Variants in LIN28B observed in about 807,000 individuals in gnomAD.
LIN28B encodes the protein lin-28 RNA binding posttranscriptional regulator B.
A neutral mutation model predicts 21.9 loss-of-function variants in LIN28B; 5 were observed. That is an observed-to-expected ratio of 0.23 (90% confidence interval 0.12 to 0.48). The LOEUF is 0.48. LIN28B is among the 20% of genes least tolerant of loss of function. LIN28B has a pLI of 0.98. For synonymous variants in LIN28B, 109 were observed against 111.3 expected (o/e 0.98, Z 0.13); for missense variants, 245 against 310.5 (o/e 0.79, Z 1.58).
intron 3 of LIN28B, among the ~76,000 whole-genome samples, chr6:104,951,752 CTT>C (rs371084154): frequency 2.7e-4 from 41 of 152,274 alleles, no homozygotes; most frequent in African/African-American, 8.9e-4. Context: ...AGTTAAAAGA[CTT>C]TGAATATTTG....
chr6:105,004,616 G>A (rs1770780509), intron 2 of LIN28B, among the ~76,000 whole-genome samples: 1 of 152,042 alleles, frequency 6.6e-6, no homozygotes, highest in Admixed American at 6.6e-5. Flanking sequence ...TTATTTTGTT[G>A]TAGCTACATA....
chr6:104,982,719 T>C (rs550574055), intron 2 of LIN28B, among the ~76,000 whole-genome samples: 8 of 152,330 alleles, frequency 5.3e-5, no homozygotes, highest in African/African-American at 1.9e-4. Flanking sequence ...TATTAATCAA[T>C]ATTAACACCT....
At chr6:105,059,673 G>A (rs545738042) in intron 3 of LIN28B, among the ~76,000 whole-genome samples, 21 of 152,130 alleles carry the variant, frequency 1.4e-4, no homozygotes, top group Non-Finnish European at 2.8e-4. Context: ...TTACATTATA[G>A]CTCAGTGGGT....
At chr6:105,039,003 A>T (rs867720694) in intron 3 of LIN28B, among the ~76,000 whole-genome samples, 1 of 152,178 alleles carries the variant, frequency 6.6e-6, no homozygotes, top group Non-Finnish European at 1.5e-5. Context: ...AAGATTGTTC[A>T]TATCTTTTTA....
intron 3 of LIN28B, among the ~76,000 whole-genome samples, chr6:105,033,532 T>C (rs1771466199): frequency 6.6e-6 from 1 of 152,198 alleles, no homozygotes; most frequent in East Asian, 1.9e-4. Context: ...TTCTGGTTAC[T>C]CAAGGTAGTA....
chr6:105,037,111 C>G (rs944530467), intron 3 of LIN28B, among the ~76,000 whole-genome samples: 1 of 152,080 alleles, frequency 6.6e-6, no homozygotes, highest in Non-Finnish European at 1.5e-5. Context: ...CAATCTGTTC[C>G]TGTGTGAACA....
intron 2 of LIN28B, among the ~76,000 whole-genome samples, chr6:104,976,216 G>A (rs1770091031): frequency 6.6e-6 from 1 of 152,144 alleles, no homozygotes; most frequent in Non-Finnish European, 1.5e-5. Flanking sequence ...GACTAGTTAA[G>A]GGATCAGACA....
chr6:104,994,250 C>T (rs937920551), intron 2 of LIN28B, among the ~76,000 whole-genome samples: 7 of 152,064 alleles, frequency 4.6e-5, no homozygotes, highest in African/African-American at 1.2e-4. Flanking sequence ...GTGATCCGCC[C>T]GCCTCGGCCT....
At position 105,078,933 on chromosome 6, in the gene LIN28B, A is replaced by G; in HGVS notation, c.*150A>G. 1.2e-6 allele frequency: 1 copy of G among 813,316 alleles called. No homozygotes were observed. Among genetic ancestry groups the G allele is most frequent in the African/African-American group, 1.7e-5 (1 of 57,768 alleles). The allele number at this position is 813,316 out of a possible 1,614,324, so 50.4% of individuals were successfully genotyped here. On this transcript the variant is annotated 3_prime_UTR_variant, in exon 4 of 4. Coordinates refer to ENST00000345080, the MANE Select transcript of LIN28B (RefSeq NM_001004317.4). ...ATTTTTTAAACAGACAAATCACTCT[A>G]AGCAAATTACATTTGAGCAGGGTGT... is the stretch of plus-strand genomic sequence containing the variant.
chr6:105,056,781 C>G (rs997780205), intron 3 of LIN28B, among the ~76,000 whole-genome samples: 8 of 152,132 alleles, frequency 5.3e-5, no homozygotes, highest in African/African-American at 1.9e-4. Flanking sequence ...AAACTCTGAG[C>G]TGAAATTTAT....
chr6:105,037,027 C>T (rs1303649240), intron 3 of LIN28B, among the ~76,000 whole-genome samples: 1 of 152,120 alleles, frequency 6.6e-6, no homozygotes, highest in Non-Finnish European at 1.5e-5. Context: ...TTTAACGTCA[C>T]TTAAATTTTA....
chr6:104,991,714 C>T (rs1461372470), intron 2 of LIN28B, among the ~76,000 whole-genome samples: 3 of 152,198 alleles, frequency 2.0e-5, no homozygotes, highest in East Asian at 1.9e-4. Flanking sequence ...GCACTCCAGC[C>T]TGGGCAACAT....
Position 105,082,510 on chromosome 6 carries a change from A to G in LIN28B, c.*3727A>G, listed in dbSNP as rs1251371609. On this transcript the variant is annotated 3_prime_UTR_variant, in exon 4 of 4. Transcript: ENST00000345080. ...CTAAGAAATGTTTATCATAAAATAT[A>G]TATGTGTATTTCCCCTTTGGTTATA... 6.6e-6 allele frequency: 1 copy of G among 152,646 alleles called. No individual in the cohort carries two copies. Among genetic ancestry groups the G allele is most frequent in the Non-Finnish European group, 1.5e-5 (1 of 68,030 alleles). 9.5% of individuals were successfully genotyped at this position (152,646 alleles called of 1,614,324 possible).
intron 3 of LIN28B, among the ~76,000 whole-genome samples, chr6:105,037,850 C>CT (rs769426935): frequency 2.0e-5 from 3 of 151,358 alleles, no homozygotes; most frequent in African/African-American, 4.9e-5. Context: ...AGAGATGTTT[C>CT]TTTTTTTTGG....
At chr6:104,958,068 A>G (rs377473758) in intron 1 of LIN28B, 31 bp from the exon 2 acceptor site, 2 of 1,482,040 alleles carry the variant, frequency 1.3e-6, no homozygotes, top group Non-Finnish European at 1.8e-6. Flanking sequence ...ATGGGAATAC[A>G]GACTGACTTT....
chr6:105,039,261 A>G (rs1255218704), intron 3 of LIN28B, among the ~76,000 whole-genome samples: 1 of 152,218 alleles, frequency 6.6e-6, no homozygotes, highest in African/African-American at 2.4e-5. Context: ...AATGTGGGGC[A>G]TGGTCATTTT....
intron 2 of LIN28B, among the ~76,000 whole-genome samples, chr6:104,978,244 G>T (rs1176830115): frequency 2.0e-5 from 3 of 152,172 alleles, no homozygotes; most frequent in Non-Finnish European, 2.9e-5. Context: ...AGTATCTTCA[G>T]TTCATTGGAG....
At chr6:105,010,774 C>G (rs1770906509) in intron 2 of LIN28B, among the ~76,000 whole-genome samples, 1 of 152,174 alleles carries the variant, frequency 6.6e-6, no homozygotes. Flanking sequence ...ATAACTATGA[C>G]ACATGTCTAC....
intron 3 of LIN28B, among the ~76,000 whole-genome samples, chr6:105,076,321 C>A (rs1028281115): frequency 1.3e-5 from 2 of 151,928 alleles, no homozygotes; most frequent in African/African-American, 4.8e-5. Flanking sequence ...CTTATAAATT[C>A]ATTATTCTAA....
Sources: allele counts gnomAD v4.1 joint callset (sites outside exome capture counted in the v4.1 genomes callset), GRCh38; gene constraint gnomAD v4.1.1; transcripts MANE v1.5; gene names NCBI Gene and HGNC (gene_info 2026-07-23, HGNC 2026-07-21).